The following LIPG variants were observed in gnomAD, a reference collection of about 807,000 sequenced individuals.
LIPG encodes the protein endothelial lipase.
Under a neutral mutation model 51.8 loss-of-function variants are expected in LIPG, and 34 were observed. The observed-to-expected ratio is 0.66, with a 90% CI of 0.50 to 0.87. The LOEUF (loss-of-function observed/expected upper bound fraction) is 0.87, where lower values mean the gene tolerates loss of function less well. LIPG is among the 40% of genes least tolerant of loss of function. The probability of loss-of-function intolerance (pLI) is 0.00; values close to 1 mark genes in which losing one functional copy is unlikely to be tolerated. For missense variants in LIPG, 580 were observed against 652.7 expected (o/e 0.89, Z 1.21); for synonymous variants, 246 against 246.1 (o/e 1.00, Z 0.00).
At chr18:49,588,837 C>T (rs982166102) in intron 9 of LIPG, among the ~76,000 whole-genome samples, 6 of 152,156 alleles carry the variant, frequency 3.9e-5, no homozygotes, top group African/African-American at 7.2e-5. Flanking sequence ...CCATGCCTGT[C>T]GCCACCCTTT....
chr18:49,564,164 A>C (rs1197768699), intron 1 of LIPG, among the ~76,000 whole-genome samples: 1 of 151,828 alleles, frequency 6.6e-6, no homozygotes, highest in Non-Finnish European at 1.5e-5. Context: ...CCACCACTAT[A>C]TCTCTTTCCT....
rs371713537 is a variant in LIPG, at chr18:49,564,099, C to G, written c.98-1218C>G. ...AGCAGCATTTTCTGGAACCTTATCC[C>G]TCTTACATCTGCTGCATTCTTCCCC... is the stretch of plus-strand genomic sequence containing the variant. On this transcript the variant is annotated intron_variant, in intron 1 of 9. Coordinates refer to ENST00000261292, the MANE Select transcript of LIPG (RefSeq NM_006033.4). 1.1e-4 allele frequency among the ~76,000 whole-genome samples: 16 copies of G among 152,300 alleles called. 1 individual carries two copies. In the East Asian group the frequency reaches 2.1e-3, roughly 20 times the overall value.
In LIPG at chr18:49,582,520, G is replaced by GAACA. The variant is rs751461251; in HGVS notation, c.1157+39_1157+42dup. ...TTTCCCTTGCTGGGTTCGGGACAGA[G>GAACA]AACAGGTTGGTTTGAGAATGAGAGA... is the stretch of plus-strand genomic sequence containing the variant. On this transcript the variant is annotated intron_variant, in intron 7 of 9. Transcript: ENST00000261292. 49 of 1,613,894 alleles carry GAACA rather than the reference G, an allele frequency of 3.0e-5. 1 individual carries two copies. The South Asian group carries it at 5.3e-4, about 17-fold the overall frequency.
At position 49,594,080 on chromosome 18, in the gene LIPG, A is replaced by G. The variant is rs2084967265; in HGVS notation, c.*3558A>G. 1 of 152,154 alleles carries G rather than the reference A, an allele frequency of 6.6e-6. No individual in the cohort carries two copies. The highest frequency in any genetic ancestry group is 1.5e-5 in the Non-Finnish European group (1 of 68,034). 9.4% of individuals were successfully genotyped at this position (152,154 alleles called of 1,614,324 possible). On this transcript the variant is annotated 3_prime_UTR_variant, in exon 10 of 10. Coordinates refer to ENST00000261292, the MANE Select transcript of LIPG (RefSeq NM_006033.4). Reference sequence around the variant, plus strand: ...TTACCCTTCAGTGGTATAGGACACTAGAATTTATTCCTCCTGTCTAGCTGT... The same window carrying G: ...TTACCCTTCAGTGGTATAGGACACTGGAATTTATTCCTCCTGTCTAGCTGT...
chr18:49,565,681 TC>T (rs1475589214), intron 2 of LIPG, among the ~76,000 whole-genome samples, 183 bp downstream of exon 2: 1 of 152,190 alleles, frequency 6.6e-6, no homozygotes, highest in Non-Finnish European at 1.5e-5. Context: ...CAATCTGGAC[TC>T]CAGCAGGGTG....
chr18:49,575,807 T>C (rs1337470533), intron 5 of LIPG, among the ~76,000 whole-genome samples: 2 of 151,412 alleles, frequency 1.3e-5, no homozygotes, highest in Non-Finnish European at 2.9e-5. Flanking sequence ...GTCACAGTTG[T>C]TATTGATTAA....
In LIPG at chr18:49,586,822, G is replaced by A. The variant is rs1283358057; in HGVS notation, c.1453G>A (p.Asp485Asn). The A allele has an allele frequency of 6.2e-7, 1 of 1,614,136 alleles. No individual in the cohort carries two copies. Among genetic ancestry groups the A allele is most frequent in the Admixed American group, 1.7e-5 (1 of 60,026 alleles). ...GGAGCTCTGGTTTCGCAAGTGTCGG[G>A]ATGGCTGGAGGATGAAAAACGAAAC... Reference protein sequence around the residue: ...GRELWFRKCRDGWRMKNETSP... With the variant: ...GRELWFRKCRNGWRMKNETSP... Residue 485 changes from aspartate to asparagine, a missense_variant, in exon 9 of 10, where the codon GAT becomes AAT. By Grantham distance (23) the Asp-to-Asn change is conservative. Coordinates refer to ENST00000261292, the MANE Select transcript of LIPG (RefSeq NM_006033.4).
chr18:49,589,496 C>T (rs1462070347), intron 9 of LIPG: 1 of 152,418 alleles, frequency 6.6e-6, no homozygotes, highest in Admixed American at 6.5e-5. Flanking sequence ...GGGTCTTGCT[C>T]TGTCACCCAG....
rs2084619538 is a variant in LIPG at position 49,567,532 on chromosome 18, C to T, written c.370C>T (p.Leu124Phe). 6.2e-7 allele frequency: 1 copy of T among 1,614,148 alleles called. No homozygotes were observed. Among genetic ancestry groups the T allele is most frequent in the Admixed American group, 1.7e-5 (1 of 60,016 alleles). The stretch of plus-strand genomic sequence containing the variant: ...CGCCAATGTAGTTGTGGTTGACTGG[C>T]TCCCCCTGGCCCACCAGCTTTACAC... Reference protein sequence around the residue: ...KDANVVVVDWLPLAHQLYTDA... With the variant: ...KDANVVVVDWFPLAHQLYTDA... Residue 124 changes from leucine (L) to phenylalanine (F), a missense_variant, in exon 3 of 10, where the codon CTC becomes TTC. Transcript: ENST00000261292.
In LIPG at chr18:49,592,010, C is replaced by T. The variant is rs2084950302; in HGVS notation, c.*1488C>T. On this transcript the variant is annotated 3_prime_UTR_variant, in exon 10 of 10. Transcript: ENST00000261292. ...TTTTATATAGAGCCATCCATAAAAT[C>T]CTAAGCCCTTTTATTAATGTATAAC... 2 of 152,028 alleles carry T rather than the reference C, an allele frequency of 1.3e-5. No individual in the cohort carries two copies. Among genetic ancestry groups the T allele is most frequent in the South Asian group, 4.1e-4 (2 of 4,826 alleles). 9.4% of individuals were successfully genotyped at this position (152,028 alleles called of 1,614,324 possible). A position where few individuals can be genotyped will look rare whatever the true frequency, so the allele number is the denominator to read the frequency against.
chr18:49,567,527 A>T lies in LIPG; in HGVS notation c.365A>T (p.Asp122Val). Residue 122 changes from aspartate (D) to valine (V), a missense_variant, in exon 3 of 10, where the codon GAC (aspartate) becomes GTC (valine). Asp to Val is a radical substitution (Grantham distance 152). Coordinates refer to ENST00000261292, the MANE Select transcript of LIPG (RefSeq NM_006033.4). ...AAAGACGCCAATGTAGTTGTGGTTG[A>T]CTGGCTCCCCCTGGCCCACCAGCTT... ...REKDANVVVV[D>V]WLPLAHQLYT... 2 of 1,614,154 alleles carry T rather than the reference A, an allele frequency of 1.2e-6. No homozygotes were observed. Among genetic ancestry groups the T allele is most frequent in the Middle Eastern group, 1.6e-4 (1 of 6,062 alleles).
Position 49,591,478 on chromosome 18 carries a change from A to C in LIPG, c.*956A>C, listed in dbSNP as rs2084943361. 6.6e-6 allele frequency: 1 copy of C among 152,382 alleles called. No homozygotes were observed. The highest frequency in any genetic ancestry group is 2.4e-5 in the African/African-American group (1 of 41,600). The allele number at this position is 152,382 out of a possible 1,614,324, so 9.4% of individuals were successfully genotyped here. A position where few individuals can be genotyped will look rare whatever the true frequency, so the allele number is the denominator to read the frequency against. The stretch of plus-strand genomic sequence containing the variant: ...GGGGCCAGAATGATGGCCGGTTGCC[A>C]GATATAACTGCTTTGGAGCAAATCT... On this transcript the variant is annotated 3_prime_UTR_variant, in exon 10 of 10. Coordinates refer to ENST00000261292, the MANE Select transcript of LIPG (RefSeq NM_006033.4).
rs1488791753 is a variant in LIPG at position 49,583,580 on chromosome 18, C to T, written c.1182C>T (p.Ala394=). The part of the protein sequence containing the change: ...LEIVERIEQN[A]TNTFLVYTEE... ...GAGTGGAGCGGATCGAGCAGAATGCCACCAACACCTTCCTGGTCTACACCG... is the reference window on the plus strand; with the variant it reads ...GAGTGGAGCGGATCGAGCAGAATGCTACCAACACCTTCCTGGTCTACACCG... Residue 394 remains alanine, a synonymous_variant, in exon 8 of 10, where the codon GCC becomes GCT. Coordinates refer to ENST00000261292, the MANE Select transcript of LIPG (RefSeq NM_006033.4). 6.2e-7 allele frequency: 1 copy of T among 1,614,066 alleles called. No homozygotes were observed. Among genetic ancestry groups the T allele is most frequent in the South Asian group, 1.1e-5 (1 of 91,066 alleles).
chr18:49,568,065 TG>T (rs1329556487), intron 3 of LIPG, among the ~76,000 whole-genome samples: 1 of 152,198 alleles, frequency 6.6e-6, no homozygotes, highest in Non-Finnish European at 1.5e-5. Context: ...AGTCTTGTTT[TG>T]TTGCCCAGGC....
At chr18:49,582,020 T>TA (rs1388966352) in intron 6 of LIPG, among the ~76,000 whole-genome samples, 1 of 152,244 alleles carries the variant, frequency 6.6e-6, no homozygotes, top group African/African-American at 2.4e-5. Flanking sequence ...TAATGTGCTG[T>TA]AAAATCACAA....
At chr18:49,578,940 G>T (rs1452139040) in intron 5 of LIPG, among the ~76,000 whole-genome samples, 1 of 141,612 alleles carries the variant, frequency 7.1e-6, no homozygotes, top group Non-Finnish European at 1.5e-5. Context: ...CAGGGAGGTT[G>T]CAGTGAGCCG....
At chr18:49,582,975 C>T (rs1260601879) in intron 7 of LIPG, among the ~76,000 whole-genome samples, 2 of 152,194 alleles carry the variant, frequency 1.3e-5, no homozygotes, top group African/African-American at 4.8e-5. Context: ...TCAGGGCTCA[C>T]AGTCTAGCTG....
At chr18:49,569,320 CTG>C (rs1269424794) in intron 3 of LIPG, 115 bp from the exon 4 acceptor site, 2 of 846,786 alleles carry the variant, frequency 2.4e-6, no homozygotes, top group Non-Finnish European at 4.0e-6. Flanking sequence ...TGGGGAGTCT[CTG>C]TGCCCACGGC....
chr18:49,583,352 C>A (rs2084844363), intron 7 of LIPG, among the ~76,000 whole-genome samples: 1 of 152,046 alleles, frequency 6.6e-6, no homozygotes, highest in Non-Finnish European at 1.5e-5. Flanking sequence ...GTGCTGAGGG[C>A]AAAGTTAGTT....
Sources: gnomAD v4.1 joint callset for allele counts (sites outside exome capture counted in the v4.1 genomes callset) on GRCh38, gnomAD v4.1.1 for gene constraint, MANE v1.5 for transcripts, NCBI Gene and HGNC (gene_info 2026-07-23, HGNC 2026-07-21) for gene names.